The following MACROD1 variants were observed in gnomAD, a reference collection of about 807,000 sequenced individuals.
MACROD1 encodes the protein mono-ADP ribosylhydrolase 1.
In MACROD1, 31 loss-of-function variants were observed where a neutral mutation model predicts 41.4. The observed-to-expected ratio is 0.75, with a 90% CI of 0.56 to 1.01. The LOEUF (loss-of-function observed/expected upper bound fraction) is 1.01. MACROD1 is among the 50% of genes least tolerant of loss of function. The probability of loss-of-function intolerance (pLI) is 0.00; values close to 1 mark genes in which losing one functional copy is unlikely to be tolerated. For missense variants in MACROD1, 473 were observed against 460.0 expected, an observed-to-expected ratio of 1.03 and a Z score of -0.26; for synonymous variants, 252 against 203.4, an observed-to-expected ratio of 1.24 and a Z score of -2.03.
intron 4 of MACROD1, among the ~76,000 whole-genome samples, chr11:64,007,241 C>T (rs1365046656): frequency 6.6e-6 from 1 of 152,166 alleles, no homozygotes; most frequent in African/African-American, 2.4e-5. Flanking sequence ...GGCCAGGAGT[C>T]CTGTGGCCGC....
At chr11:64,069,561 C>T (rs2250196) in intron 3 of MACROD1, among the ~76,000 whole-genome samples, 4,627 of 152,256 alleles carry the variant, frequency 0.03, 241 homozygotes, top group African/African-American at 0.1. Context: ...TCTCCCTGCC[C>T]GTGTGGTGCC....
chr11:64,108,211 G>T (rs778688894), intron 3 of MACROD1, among the ~76,000 whole-genome samples: 1 of 151,990 alleles, frequency 6.6e-6, no homozygotes, highest in Non-Finnish European at 1.5e-5. Flanking sequence ...TACGCGGGAG[G>T]CTGAGGCAGA....
chr11:64,102,712 C>T (rs2134563543), intron 3 of MACROD1, among the ~76,000 whole-genome samples: 1 of 152,224 alleles, frequency 6.6e-6, no homozygotes, highest in South Asian at 2.1e-4. Context: ...TGGAAAGAGG[C>T]AGGAGATAGG....
chr11:64,125,367 C>T (rs541959352), intron 3 of MACROD1, among the ~76,000 whole-genome samples: 28 of 152,332 alleles, frequency 1.8e-4, no homozygotes, highest in African/African-American at 6.5e-4. Context: ...TAGTCAGAGT[C>T]AGCACCTTGC....
At chr11:64,119,137 C>G (rs1945052969) in intron 3 of MACROD1, 1 of 167,230 alleles carries the variant, frequency 6.0e-6, no homozygotes, top group Admixed American at 6.5e-5. Context: ...TGGGTCAGTT[C>G]TTACCATTTC....
intron 3 of MACROD1, chr11:64,117,929 G>A (rs769250709): frequency 1.2e-5 from 19 of 1,613,858 alleles, no homozygotes; most frequent in Admixed American, 8.3e-5. Flanking sequence ...TGCCCCTGGC[G>A]GGCATCATCG....
In MACROD1 at chr11:64,067,366, A is replaced by G. The variant is rs936548971; in HGVS notation, c.518-52085T>C. On this transcript the variant is annotated intron_variant, in intron 3 of 10. Transcript: ENST00000255681. This position sits in a 1 kb window ranked among gnomAD's most constrained non-coding sequence, Gnocchi z 4.6. ...GGAATCCATTATCGGGCAAAATAGC[A>G]GCTGCTGACGTGAAAATGAAATATA... Among the ~76,000 whole-genome samples the G allele has an allele frequency of 5.9e-5, 9 of 152,184 alleles. No individual in the cohort carries two copies. Among genetic ancestry groups the G allele is most frequent in the African/African-American group, 1.9e-4 (8 of 41,444 alleles).
At chr11:64,101,678 G>C (rs777964524) in intron 3 of MACROD1, among the ~76,000 whole-genome samples, 5 of 152,186 alleles carry the variant, frequency 3.3e-5, no homozygotes, top group African/African-American at 4.8e-5. Flanking sequence ...ATAAGGGCTC[G>C]TGCTAGAGCC....
At chr11:64,048,507 A>C (rs1943628770) in intron 3 of MACROD1, among the ~76,000 whole-genome samples, 1 of 152,122 alleles carries the variant, frequency 6.6e-6, no homozygotes, top group South Asian at 2.1e-4. Context: ...AGATCCAGCC[A>C]TGGAGGAGGC....
At chr11:64,108,017 G>A (rs940014007) in intron 3 of MACROD1, among the ~76,000 whole-genome samples, 2 of 152,164 alleles carry the variant, frequency 1.3e-5, no homozygotes, top group Non-Finnish European at 2.9e-5. Flanking sequence ...AAAGCCCAGG[G>A]AAGTAGATCG....
chr11:64,124,300 T>C (rs1945144083), intron 3 of MACROD1, among the ~76,000 whole-genome samples: 1 of 152,194 alleles, frequency 6.6e-6, no homozygotes, highest in East Asian at 1.9e-4. Flanking sequence ...ACCTGTCTCT[T>C]AAGCCAGGGC....
chr11:64,021,012 C>T (rs969453797), intron 3 of MACROD1, among the ~76,000 whole-genome samples: 2 of 152,140 alleles, frequency 1.3e-5, no homozygotes, highest in Admixed American at 6.5e-5. Context: ...TCACGGCGCC[C>T]GGCCCCCAGG....
At chr11:64,143,743 GACACACACATACACACACACACACAC>G (rs1181727540) in intron 3 of MACROD1, among the ~76,000 whole-genome samples, 4 of 71,484 alleles carry the variant, frequency 5.6e-5, no homozygotes, top group Admixed American at 1.2e-4. Context: ...CCCCAACCCC[GACACACACATACACACACACACACAC>G]ACACACACAC....
At chr11:64,087,991 C>G (rs895684900) in intron 3 of MACROD1, among the ~76,000 whole-genome samples, 2 of 152,108 alleles carry the variant, frequency 1.3e-5, no homozygotes, top group South Asian at 2.1e-4. Flanking sequence ...GGGAGGGCCT[C>G]GAGAGGGGCT....
At chr11:64,144,580 G>T (rs1945464475) in intron 3 of MACROD1, among the ~76,000 whole-genome samples, 2 of 152,140 alleles carry the variant, frequency 1.3e-5, no homozygotes, top group South Asian at 4.1e-4. Context: ...CCGGAAAGTG[G>T]CCCGGCCCCA....
intron 3 of MACROD1, among the ~76,000 whole-genome samples, chr11:64,135,054 G>A (rs1462547545): frequency 6.6e-6 from 1 of 152,224 alleles, no homozygotes; most frequent in African/African-American, 2.4e-5. Flanking sequence ...TGCAGGTGAG[G>A]GCCCCTGCCA....
intron 3 of MACROD1, among the ~76,000 whole-genome samples, chr11:64,130,346 G>C (rs1465769957): frequency 6.6e-6 from 1 of 152,320 alleles, no homozygotes; most frequent in Non-Finnish European, 1.5e-5. Flanking sequence ...GAGAGAGTGG[G>C]TGATACCTAC....
chr11:64,031,312 T>C (rs920190392), intron 3 of MACROD1, among the ~76,000 whole-genome samples: 1 of 152,150 alleles, frequency 6.6e-6, no homozygotes, highest in Non-Finnish European at 1.5e-5. Flanking sequence ...TGGCTCTCCC[T>C]GAAGCTCTGC....
intron 1 of MACROD1, among the ~76,000 whole-genome samples, chr11:64,159,563 G>A (rs1945722098): frequency 6.6e-6 from 1 of 151,578 alleles, no homozygotes; most frequent in Non-Finnish European, 1.5e-5. Context: ...AGGAGGCCAA[G>A]GCGGGCGGAT....
Sources: allele counts gnomAD v4.1 joint callset (sites outside exome capture counted in the v4.1 genomes callset), GRCh38; gene constraint gnomAD v4.1.1; non-coding constraint Gnocchi (gnomAD v3.1); transcripts MANE v1.5; gene names NCBI Gene and HGNC (gene_info 2026-07-23, HGNC 2026-07-21).